UBASH3A: variants seen among roughly 807,000 people sequenced by gnomAD.
The protein encoded by UBASH3A is ubiquitin associated and SH3 domain containing A.
Under a neutral mutation model 73.5 loss-of-function variants are expected in UBASH3A, and 63 were observed. The observed-to-expected ratio is 0.86, with a 90% CI of 0.70 to 1.06. UBASH3A has a LOEUF of 1.06. Ranked by LOEUF, UBASH3A falls within the 50% of genes least tolerant of loss-of-function variation. The probability of loss-of-function intolerance (pLI) is 0.00; values close to 1 mark genes in which losing one functional copy is unlikely to be tolerated. For synonymous variants in UBASH3A, 363 were observed against 351.1 expected, an observed-to-expected ratio of 1.03 and a Z score of -0.38; for missense variants, 860 against 859.0, an observed-to-expected ratio of 1.00 and a Z score of -0.02.
intron 8 of UBASH3A, among the ~76,000 whole-genome samples, chr21:42,430,811 C>T (rs2053514964): frequency 6.6e-6 from 1 of 152,198 alleles, no homozygotes; most frequent in Non-Finnish European, 1.5e-5. Context: ...GGTGCCATGT[C>T]ACAGGGAGGT....
At chr21:42,428,950 T>C (rs937487896) in intron 8 of UBASH3A, among the ~76,000 whole-genome samples, 3 of 152,086 alleles carry the variant, frequency 2.0e-5, no homozygotes, top group Non-Finnish European at 4.4e-5. Context: ...TGTGACCTTA[T>C]TAGGAAAGAG....
At position 42,418,511 on chromosome 21, in the gene UBASH3A, C is replaced by A. The variant is rs776402890; in HGVS notation, c.948C>A (p.Gly316=). 1 of 1,614,236 alleles carries A rather than the reference C, an allele frequency of 6.2e-7. No homozygotes were observed. The highest frequency in any genetic ancestry group is 1.1e-5 in the South Asian group (1 of 91,088). Residue 316 remains glycine (G), a synonymous_variant, in exon 7 of 15, where the codon GGC becomes GGA. Transcript: ENST00000319294. ...CGCAGCAGGACGAAGCCAGCGAGGG[C>A]TGGGTGATTGGGATCTCACAGCGGA... ...DPTQQDEASE[G]WVIGISQRTG...
chr21:42,405,896 G>A (rs111402070), intron 1 of UBASH3A, among the ~76,000 whole-genome samples: 4,836 of 150,982 alleles, frequency 0.032, 111 homozygotes, highest in Non-Finnish European at 0.051. Flanking sequence ...CGAGCCTGGG[G>A]ATCAGGGTCG....
chr21:42,442,225 G>GAA (rs1391421383), intron 11 of UBASH3A, among the ~76,000 whole-genome samples: 11 of 152,292 alleles, frequency 7.2e-5, no homozygotes, highest in Non-Finnish European at 1.6e-4. Flanking sequence ...TGGCACACAG[G>GAA]GGGCCATCAC....
At chr21:42,436,261 A>G (rs1409667934) in intron 10 of UBASH3A, among the ~76,000 whole-genome samples, 1 of 152,206 alleles carries the variant, frequency 6.6e-6, no homozygotes, top group Non-Finnish European at 1.5e-5. Context: ...AGAGTCATAG[A>G]GTTATAGAGT....
At chr21:42,443,989 C>G (rs2053800456) in intron 13 of UBASH3A, among the ~76,000 whole-genome samples, 1 of 152,180 alleles carries the variant, frequency 6.6e-6, no homozygotes, top group Admixed American at 6.5e-5. Context: ...TTCCCTGACC[C>G]ATCACACGGG....
intron 3 of UBASH3A, among the ~76,000 whole-genome samples, chr21:42,410,904 CATAG>C (rs780709186): frequency 3.9e-5 from 6 of 151,900 alleles, no homozygotes; most frequent in Non-Finnish European, 5.9e-5. Flanking sequence ...TACAGACATA[CATAG>C]ATATAGACAC....
chr21:42,423,708 C>A (rs151246764), intron 7 of UBASH3A, among the ~76,000 whole-genome samples: 95 of 152,328 alleles, frequency 6.2e-4, no homozygotes, highest in African/African-American at 2.2e-3. Flanking sequence ...ACCATTCCAG[C>A]TTTTATGCCT....
chr21:42,408,118 T>C (rs2053016048), intron 2 of UBASH3A, among the ~76,000 whole-genome samples: 1 of 152,230 alleles, frequency 6.6e-6, no homozygotes, highest in Non-Finnish European at 1.5e-5. Context: ...GGGTGAACCC[T>C]GGAAAGGGGG....
At position 42,442,601 on chromosome 21, in the gene UBASH3A, G is replaced by A. The variant is rs2053767301; in HGVS notation, c.1631+5G>A. ...CAACATTGACACTGATTACAGGTAT[G>A]CTGTTCTAAAGTTCTCTGCCACTGG... On this transcript the variant is annotated splice_donor_5th_base_variant and intron_variant, in intron 12 of 14. Coordinates refer to ENST00000319294, the MANE Select transcript of UBASH3A (RefSeq NM_018961.4). 1 of 1,606,210 alleles carries A rather than the reference G, an allele frequency of 6.2e-7. No homozygotes were observed. Among genetic ancestry groups the A allele is most frequent in the African/African-American group, 1.3e-5 (1 of 74,468 alleles).
chr21:42,424,676 G>A (rs1452526636), intron 7 of UBASH3A, among the ~76,000 whole-genome samples: 1 of 152,218 alleles, frequency 6.6e-6, no homozygotes, highest in African/African-American at 2.4e-5. Flanking sequence ...CTCAGAGCAA[G>A]TTTACAGCAA....
At chr21:42,417,862 T>TTTTTTTTC (rs2053246956) in intron 6 of UBASH3A, among the ~76,000 whole-genome samples, 2 of 146,106 alleles carry the variant, frequency 1.4e-5, no homozygotes, top group African/African-American at 5.2e-5. Context: ...TGTATCTCTT[T>TTTTTTTTC]TTTTTTTCTT....
rs2053789093 is a variant in UBASH3A, at chr21:42,443,508, G to C, written c.1738+90G>C. On this transcript the variant is annotated intron_variant, in intron 13 of 14. Transcript: ENST00000319294. ...AAATTGGCCAATTTTCTGAACCTAT[G>C]AATGCCCCTACTTCTCCTGCCTGCC... The C allele has an allele frequency of 3.5e-6, 4 of 1,132,114 alleles. No individual in the cohort carries two copies. In the Admixed American group the frequency reaches 1.0e-4, roughly 28 times the overall value. The allele number at this position is 1,132,114 out of a possible 1,614,324, so 70.1% of individuals were successfully genotyped here.
intron 7 of UBASH3A, among the ~76,000 whole-genome samples, chr21:42,419,067 C>A (rs2053283118): frequency 6.6e-6 from 1 of 152,190 alleles, no homozygotes; most frequent in Non-Finnish European, 1.5e-5. Flanking sequence ...TCCAGCTTCA[C>A]TGGGTCCTCA....
intron 7 of UBASH3A, among the ~76,000 whole-genome samples, chr21:42,419,635 G>A (rs1043181147): frequency 6.6e-6 from 1 of 152,184 alleles, no homozygotes; most frequent in Non-Finnish European, 1.5e-5. Context: ...CTACTCAAAA[G>A]TCTCTTAGCC....
chr21:42,416,454 A>G lies in UBASH3A; in HGVS notation c.680A>G (p.Lys227Arg). 6.3e-7 allele frequency: 1 copy of G among 1,580,122 alleles called. No homozygotes were observed. The highest frequency in any genetic ancestry group is 8.6e-7 in the Non-Finnish European group (1 of 1,165,528). Residue 227 changes from lysine (K) to arginine (R), a missense_variant, in exon 6 of 15, where the codon AAG becomes AGG. Transcript: ENST00000319294. The stretch of plus-strand genomic sequence containing the variant: ...CCTGATTTCACAGACTGCTCCGTGA[A>G]GCCTTGCACCAAACAGCTGCATCTG... ...HYILQKYCSV[K>R]PCTKQLHLTL...
rs149121034 is a variant in UBASH3A, at chr21:42,418,757, A to T, written c.1046+148A>T. 418 of 713,078 alleles carry T rather than the reference A, an allele frequency of 5.9e-4. No individual in the cohort carries two copies. In the African/African-American group the frequency reaches 6.5e-3, roughly 11 times the overall value. 44.2% of individuals were successfully genotyped at this position (713,078 alleles called of 1,614,324 possible). A position where few individuals can be genotyped will look rare whatever the true frequency, so the allele number is the denominator to read the frequency against. On this transcript the variant is annotated intron_variant, in intron 7 of 14. Coordinates refer to ENST00000319294, the MANE Select transcript of UBASH3A (RefSeq NM_018961.4). ...GACAAAATTATTCCTGCAGGTATAT[A>T]GTAAACATCTTGGTTCGTCCCTGGT...
chr21:42,424,543 C>A (rs1485164395), intron 7 of UBASH3A, among the ~76,000 whole-genome samples: 2 of 152,180 alleles, frequency 1.3e-5, no homozygotes, highest in Non-Finnish European at 2.9e-5. Context: ...GAGGGGAGCA[C>A]CCCTGTGGGA....
chr21:42,407,873 C>T (rs1001285660), intron 2 of UBASH3A, among the ~76,000 whole-genome samples: 1 of 152,322 alleles, frequency 6.6e-6, no homozygotes, highest in Non-Finnish European at 1.5e-5. Flanking sequence ...CGGGAATGAA[C>T]AAGTGCAACA....
Sources: allele counts gnomAD v4.1 joint callset (sites outside exome capture counted in the v4.1 genomes callset), GRCh38; gene constraint gnomAD v4.1.1; transcripts MANE v1.5; gene names NCBI Gene and HGNC (gene_info 2026-07-23, HGNC 2026-07-21).